Variants in SPAG9 observed in about 807,000 individuals in gnomAD.
SPAG9 encodes the protein sperm associated antigen 9.
A neutral mutation model predicts 166.5 loss-of-function variants in SPAG9; 35 were observed. That is an observed-to-expected ratio of 0.21 (90% CI 0.16 to 0.28). The LOEUF (loss-of-function observed/expected upper bound fraction) is 0.28. SPAG9 is among the 10% of genes least tolerant of loss of function. The probability of loss-of-function intolerance (pLI) is 1.00; values close to 1 mark genes in which losing one functional copy is unlikely to be tolerated. For missense variants in SPAG9, 1,235 were observed against 1,603.3 expected, an observed-to-expected ratio of 0.77 and a Z score of 3.92; for synonymous variants, 534 against 565.5, an observed-to-expected ratio of 0.94 and a Z score of 0.79.
chr17:50,977,278 T>C (rs960427289), intron 26 of SPAG9, 57 bp from the exon 27 acceptor site: 169 of 1,063,278 alleles, frequency 1.6e-4, no homozygotes, highest in South Asian at 5.3e-4. Context: ...GTGTTTTACA[T>C]TCCAAGTTCC....
intron 1 of SPAG9, among the ~76,000 whole-genome samples, chr17:51,110,603 G>A (rs190107236): frequency 1.3e-5 from 2 of 152,194 alleles, no homozygotes; most frequent in East Asian, 3.9e-4. Context: ...ACGGAAGGAT[G>A]GCTTGAGCCC....
intron 1 of SPAG9, among the ~76,000 whole-genome samples, chr17:51,108,671 A>AT (rs1303573029): frequency 1.3e-5 from 2 of 151,764 alleles, no homozygotes. Flanking sequence ...TAATTTTTCT[A>AT]TTTTTTGTAA....
chr17:51,037,616 TAA>T (rs540621902), intron 5 of SPAG9, among the ~76,000 whole-genome samples: 3 of 106,206 alleles, frequency 2.8e-5, no homozygotes, highest in African/African-American at 1.0e-4. Context: ...CCATCTCAAA[TAA>T]AAAAAAAAAA....
Position 50,994,970 on chromosome 17 carries a change from A to G in SPAG9, c.2226+87T>C, listed in dbSNP as rs117191412. 5.1e-3 allele frequency: 4,732 copies of G among 923,362 alleles called. 208 individuals carry two copies. In the East Asian group the frequency reaches 0.1, roughly 20 times the overall value. The allele number at this position is 923,362 out of a possible 1,614,324, so 57.2% of individuals were successfully genotyped here. A position where few individuals can be genotyped will look rare whatever the true frequency, so the allele number is the denominator to read the frequency against. On this transcript the variant is annotated intron_variant, in intron 18 of 29. Coordinates refer to ENST00000262013, the MANE Select transcript of SPAG9 (RefSeq NM_001130528.3). ...AAGCCAGGGCATAGTAATCCCAATTAGAAGCTGGACCCAGAGGCAAATTTT... is the reference window on the plus strand; with the variant it reads ...AAGCCAGGGCATAGTAATCCCAATTGGAAGCTGGACCCAGAGGCAAATTTT...
At chr17:50,972,670 T>C (rs1205813422) in intron 28 of SPAG9, among the ~76,000 whole-genome samples, 1 of 152,264 alleles carries the variant, frequency 6.6e-6, no homozygotes, top group African/African-American at 2.4e-5. Flanking sequence ...CAGCCATTAA[T>C]GCGACACACT....
intron 4 of SPAG9, among the ~76,000 whole-genome samples, chr17:51,044,020 ACTACT>A (rs2046934517): frequency 6.6e-6 from 1 of 152,166 alleles, no homozygotes; most frequent in Non-Finnish European, 1.5e-5. Flanking sequence ...TCATTCAGAA[ACTACT>A]CTACAGGGAG....
intron 2 of SPAG9, among the ~76,000 whole-genome samples, chr17:51,077,113 G>GCTATCTAGCTAGCTATCTAT (rs2048037580): frequency 5.9e-5 from 8 of 135,450 alleles, no homozygotes; most frequent in South Asian, 4.6e-4. Flanking sequence ...TAGCTATCTA[G>GCTATCTAGCTAGCTATCTAT]CTATCTAGCT....
chr17:51,117,451 C>CCT (rs1362934328), intron 1 of SPAG9, among the ~76,000 whole-genome samples: 3 of 152,104 alleles, frequency 2.0e-5, no homozygotes, highest in Admixed American at 6.6e-5. Context: ...GTGGCTCATG[C>CCT]CTGTAATCCC....
intron 4 of SPAG9, chr17:51,042,501 A>G (rs1427191539): frequency 1.3e-5 from 2 of 152,226 alleles, no homozygotes; most frequent in African/African-American, 4.8e-5. Flanking sequence ...TGTAGAAACT[A>G]GAAAGAAATG....
At chr17:50,970,624 C>A in intron 29 of SPAG9, 83 bp downstream of exon 29, 3 of 1,125,404 alleles carry the variant, frequency 2.7e-6, no homozygotes, top group Non-Finnish European at 2.5e-6. Flanking sequence ...AAATCATTAT[C>A]AGAGTGGTTT....
rs1227839801 is a variant in SPAG9 at position 50,963,706 on chromosome 17, C to CA, written c.*2565_*2566insT. ...CTGAACAACAGCAAATGGGATCTGA[C>CA]TCTGGGATGTTTACTTCTTGGGATT... is the stretch of plus-strand genomic sequence containing the variant. On this transcript the variant is annotated 3_prime_UTR_variant, in exon 30 of 30. Coordinates refer to ENST00000262013, the MANE Select transcript of SPAG9 (RefSeq NM_001130528.3). The CA allele has an allele frequency of 6.6e-6, 1 of 152,204 alleles. No individual in the cohort carries two copies. The highest frequency in any genetic ancestry group is 1.5e-5 in the Non-Finnish European group (1 of 68,038). 9.4% of individuals were successfully genotyped at this position (152,204 alleles called of 1,614,324 possible). A position where few individuals can be genotyped will look rare whatever the true frequency, so the allele number is the denominator to read the frequency against.
chr17:51,042,909 T>C (rs1394190573), intron 4 of SPAG9, among the ~76,000 whole-genome samples: 1 of 152,108 alleles, frequency 6.6e-6, no homozygotes, highest in Non-Finnish European at 1.5e-5. Context: ...TAGTTTTTGT[T>C]TGTTTGTGTC....
At chr17:51,112,400 C>T (rs2049139802) in intron 1 of SPAG9, among the ~76,000 whole-genome samples, 1 of 149,018 alleles carries the variant, frequency 6.7e-6, no homozygotes, top group Admixed American at 6.8e-5. Context: ...AGGCCAGGCG[C>T]AGTGGCTCAC....
chr17:50,972,851 C>G (rs962216077), intron 28 of SPAG9, among the ~76,000 whole-genome samples: 1 of 152,228 alleles, frequency 6.6e-6, no homozygotes, highest in Non-Finnish European at 1.5e-5. Context: ...AGTGGTATTA[C>G]TGATAAGGCC....
At chr17:51,061,272 C>T (rs116023390) in intron 2 of SPAG9, among the ~76,000 whole-genome samples, 18 of 152,250 alleles carry the variant, frequency 1.2e-4, no homozygotes, top group African/African-American at 4.3e-4. Flanking sequence ...ATGCCAGTTT[C>T]CTAATCAATT....
intron 14 of SPAG9, 120 bp downstream of exon 14, chr17:50,999,540 CT>C (rs1214356381): frequency 7.6e-6 from 11 of 1,453,240 alleles, no homozygotes; most frequent in Non-Finnish European, 1.0e-5. Flanking sequence ...ACCATTACCC[CT>C]AGTTTAAAAA....
intron 29 of SPAG9, among the ~76,000 whole-genome samples, chr17:50,969,688 A>G (rs928216036): frequency 5.3e-5 from 8 of 152,158 alleles, no homozygotes; most frequent in Admixed American, 3.9e-4. Context: ...TTCCATTAAA[A>G]TGGTTTCATA....
chr17:51,038,979 G>A lies in SPAG9; in HGVS notation c.741+2522C>T, dbSNP rs141525751. Among the ~76,000 whole-genome samples, 5 of 152,134 alleles carry A rather than the reference G, an allele frequency of 3.3e-5. No homozygotes were observed. The East Asian group carries it at 5.8e-4, about 18-fold the overall frequency. ...TTATTTACAACCTCACTCACCACAGGTCTCTCACAGTGAGAAATTTGTAAT... is the reference window on the plus strand; with the variant it reads ...TTATTTACAACCTCACTCACCACAGATCTCTCACAGTGAGAAATTTGTAAT... On this transcript the variant is annotated intron_variant, in intron 5 of 29. Coordinates refer to ENST00000262013, the MANE Select transcript of SPAG9 (RefSeq NM_001130528.3).
In SPAG9 at chr17:51,022,842, C is replaced by T. The variant is rs886261968; in HGVS notation, c.784-1477G>A. The stretch of plus-strand genomic sequence containing the variant: ...GCGCATGCCTGCAATTCCAGCTACT[C>T]GGGAGGCTGAGGCAGGAGAAACACT... On this transcript the variant is annotated intron_variant, in intron 6 of 29. Transcript: ENST00000262013. Among the ~76,000 whole-genome samples the T allele has an allele frequency of 1.1e-4, 16 of 150,646 alleles. 1 individual carries two copies. The East Asian group carries it at 1.2e-3, about 11-fold the overall frequency.
Sources: allele counts gnomAD v4.1 joint callset (sites outside exome capture counted in the v4.1 genomes callset), GRCh38; gene constraint gnomAD v4.1.1; transcripts MANE v1.5; gene names NCBI Gene and HGNC (gene_info 2026-07-23, HGNC 2026-07-21).